TLR2: variants seen among roughly 807,000 people sequenced by gnomAD.
TLR2 encodes the protein toll-like receptor 2.
TLR2 carries 7 observed loss-of-function variants against 9.1 expected under a neutral mutation model. The ratio of observed to expected loss-of-function variants is 0.77; its 90% CI spans 0.44 to 1.44. The LOEUF (loss-of-function observed/expected upper bound fraction) is 1.44, where lower values mean the gene tolerates loss of function less well. Ranked by LOEUF, TLR2 falls within the 40% of genes most tolerant of loss-of-function variation. TLR2 has a pLI of 0.01. For missense variants in TLR2, 812 were observed against 904.6 expected (o/e 0.90, Z 1.31); for synonymous variants, 317 against 344.6 (o/e 0.92, Z 0.89).
At chr4:153,697,808 A>T (rs1376551841) in intron 2 of TLR2, among the ~76,000 whole-genome samples, 1 of 152,196 alleles carries the variant, frequency 6.6e-6, no homozygotes, top group Non-Finnish European at 1.5e-5. Context: ...TTGTATGGGT[A>T]TGTTATTAAT....
chr4:153,702,813 C>T, intron 2 of TLR2, 79 bp from the exon 3 acceptor site: 1 of 780,092 alleles, frequency 1.3e-6, no homozygotes, highest in African/African-American at 1.9e-5. Context: ...TGTGTTATGC[C>T]TAGAAAACAT....
rs755228865 is a variant in TLR2, at chr4:153,704,915, T to G, written c.2008T>G (p.Phe670Val). The G allele has an allele frequency of 1.2e-6, 2 of 1,613,176 alleles. No individual in the cohort carries two copies. Among genetic ancestry groups the G allele is most frequent in the African/African-American group, 2.7e-5 (2 of 74,854 alleles). Residue 670 changes from phenylalanine to valine, a missense_variant, in exon 3 of 3, where the codon TTC becomes GTC. By Grantham distance (50) the Phe-to-Val change is conservative. Coordinates refer to ENST00000642700, the MANE Select transcript of TLR2 (RefSeq NM_001318789.2). ...VQELENFNPPFKLCLHKRDFI... is the reference protein window; with the variant it reads ...VQELENFNPPVKLCLHKRDFI... Reference sequence around the variant, plus strand: ...GGAGCTGGAGAACTTCAATCCCCCCTTCAAGTTGTGTCTTCATAAGCGGGA... The same window carrying G: ...GGAGCTGGAGAACTTCAATCCCCCCGTCAAGTTGTGTCTTCATAAGCGGGA...
chr4:153,700,893 G>T (rs1432081132), intron 2 of TLR2, among the ~76,000 whole-genome samples: 1 of 152,064 alleles, frequency 6.6e-6, no homozygotes, highest in African/African-American at 2.4e-5. Flanking sequence ...TCCTCAAGAT[G>T]ATCTGTAAAA....
intron 1 of TLR2, among the ~76,000 whole-genome samples, chr4:153,684,702 C>T (rs1317328455): frequency 5.3e-5 from 8 of 152,208 alleles, no homozygotes; most frequent in African/African-American, 7.2e-5. Context: ...TGCCAATGGG[C>T]TGCGGCTGGG....
rs1406763017 is a variant in TLR2, at chr4:153,703,677, G to T, written c.770G>T (p.Arg257Ile). Residue 257 changes from arginine (R) to isoleucine (I), a missense_variant, in exon 3 of 3, where the codon AGA becomes ATA. Transcript: ENST00000642700. ...TCATTGATTAAAAAGTTTACATTTA[G>T]AAATGTGAAAATCACCGATGAAAGT... The part of the protein sequence containing the change: ...TNSLIKKFTF[R>I]NVKITDESLF... 1 of 1,612,876 alleles carries T rather than the reference G, an allele frequency of 6.2e-7. No homozygotes were observed. Among genetic ancestry groups the T allele is most frequent in the South Asian group, 1.1e-5 (1 of 90,650 alleles).
chr4:153,707,120 A>G (rs1039422993), downstream of TLR2, among the ~76,000 whole-genome samples: 1 of 152,176 alleles, frequency 6.6e-6, no homozygotes, highest in Non-Finnish European at 1.5e-5. Context: ...GCAGGGATAT[A>G]AGGGATCCTG....
rs1234116628 is a variant in TLR2, at chr4:153,693,144, A to T, written c.-17+5097A>T. ...TCCAGGGAACAGAAGTAGATATAAC[A>T]ATTTGAATTTCCCCTTTGTAATCTG... is the stretch of plus-strand genomic sequence containing the variant. On this transcript the variant is annotated intron_variant, in intron 2 of 2. Coordinates refer to ENST00000642700, the MANE Select transcript of TLR2 (RefSeq NM_001318789.2). Among the ~76,000 whole-genome samples, 3 of 152,216 alleles carry T rather than the reference A, an allele frequency of 2.0e-5. No individual in the cohort carries two copies. The East Asian group carries it at 5.8e-4, about 29-fold the overall frequency.
Position 153,690,638 on chromosome 4 carries a change from C to G in TLR2, c.-17+2591C>G, listed in dbSNP as rs1578969358. ...CTAAAGATAATTAGGTTCCAATCCT[C>G]GAGGATTAACTCCTCCTGTTAAAGA... On this transcript the variant is annotated intron_variant, in intron 2 of 2. Transcript: ENST00000642700. Among the ~76,000 whole-genome samples, 3 of 152,192 alleles carry G rather than the reference C, an allele frequency of 2.0e-5. No homozygotes were observed. In the South Asian group the frequency reaches 6.2e-4, roughly 32 times the overall value.
chr4:153,710,559 A>C, downstream of TLR2: 1 of 1,430,390 alleles, frequency 7.0e-7, no homozygotes, highest in Non-Finnish European at 9.7e-7. Flanking sequence ...TGTCATTTGC[A>C]AATATAATAA....
intron 2 of TLR2, among the ~76,000 whole-genome samples, chr4:153,697,850 A>C (rs1380624814): frequency 6.6e-6 from 1 of 152,200 alleles, no homozygotes; most frequent in Admixed American, 6.5e-5. Context: ...AAATTCTTAG[A>C]AACCAGATAG....
intron 1 of TLR2, 43 bp downstream of exon 1, chr4:153,684,403 T>C (rs1290337688): frequency 6.6e-6 from 1 of 152,260 alleles, no homozygotes. Flanking sequence ...TCTGCACCCC[T>C]TCCTGGGGTC....
chr4:153,703,421 G>A lies in TLR2; in HGVS notation c.514G>A (p.Gly172Arg). 6.2e-7 allele frequency: 1 copy of A among 1,614,018 alleles called. No homozygotes were observed. The highest frequency in any genetic ancestry group is 8.5e-7 in the Non-Finnish European group (1 of 1,180,006). Reference sequence around the variant, plus strand: ...TAAGATTCAAAGAAAAGATTTTGCTGGACTTACCTTCCTTGAGGAACTTGA... The same window carrying A: ...TAAGATTCAAAGAAAAGATTTTGCTAGACTTACCTTCCTTGAGGAACTTGA... ...FTKIQRKDFA[G>R]LTFLEELEID... is the part of the protein sequence containing the mutation. The change falls in exon 3 of 3, where the codon GGA becomes AGA. Residue 172 changes from glycine to arginine, a missense_variant. Coordinates refer to ENST00000642700, the MANE Select transcript of TLR2 (RefSeq NM_001318789.2).
intron 2 of TLR2, among the ~76,000 whole-genome samples, chr4:153,691,487 C>T (rs1055843948): frequency 3.9e-5 from 6 of 152,192 alleles, no homozygotes; most frequent in African/African-American, 1.2e-4. Flanking sequence ...AGCCACTGTA[C>T]AAAGTCTTGC....
chr4:153,709,049 T>C (rs1212779533), downstream of TLR2, among the ~76,000 whole-genome samples: 1 of 152,122 alleles, frequency 6.6e-6, no homozygotes, highest in Non-Finnish European at 1.5e-5. Flanking sequence ...TACTAAACTT[T>C]TGCTCCAACC....
chr4:153,696,110 T>C (rs1736476334), intron 2 of TLR2, among the ~76,000 whole-genome samples: 1 of 152,200 alleles, frequency 6.6e-6, no homozygotes, highest in Non-Finnish European at 1.5e-5. Flanking sequence ...GATAATGTGA[T>C]TCCTCCAGTT....
At chr4:153,696,832 C>T (rs879641293) in intron 2 of TLR2, among the ~76,000 whole-genome samples, 1 of 149,380 alleles carries the variant, frequency 6.7e-6, no homozygotes, top group Non-Finnish European at 1.5e-5. Context: ...AGTTTGAGAC[C>T]AGCTGGGGCA....
Position 153,689,766 on chromosome 4 carries a change from A to G in TLR2, c.-17+1719A>G, listed in dbSNP as rs1002377062. 5.3e-5 allele frequency among the ~76,000 whole-genome samples: 8 copies of G among 152,366 alleles called. No homozygotes were observed. In the East Asian group the frequency reaches 1.2e-3, roughly 22 times the overall value. On this transcript the variant is annotated intron_variant, in intron 2 of 2. Transcript: ENST00000642700. ...CCTTGTTGAAGGAATACTAATGGCA[A>G]TGGTGATCACTGCTATCATAGCTAT...
At chr4:153,697,823 G>A (rs1050855545) in intron 2 of TLR2, among the ~76,000 whole-genome samples, 1 of 152,120 alleles carries the variant, frequency 6.6e-6, no homozygotes, top group Non-Finnish European at 1.5e-5. Flanking sequence ...ATTAATATGT[G>A]CTTCAGAAAT....
At chr4:153,686,105 C>T (rs55783603) in intron 1 of TLR2, among the ~76,000 whole-genome samples, 1 of 152,194 alleles carries the variant, frequency 6.6e-6, no homozygotes, top group Non-Finnish European at 1.5e-5. Context: ...TAACATTAAT[C>T]CATTTATGAG....
Sources: allele counts gnomAD v4.1 joint callset (sites outside exome capture counted in the v4.1 genomes callset), GRCh38; gene constraint gnomAD v4.1.1; transcripts MANE v1.5; gene names NCBI Gene and HGNC (gene_info 2026-07-23, HGNC 2026-07-21).